Variants in NFIB observed in about 807,000 individuals in gnomAD.
The protein encoded by NFIB is nuclear factor I B.
NFIB carries 11 observed loss-of-function variants against 61.5 expected under a neutral mutation model. That is an observed-to-expected ratio of 0.18 (90% confidence interval 0.11 to 0.30). The LOEUF (loss-of-function observed/expected upper bound fraction) is 0.30, where lower values mean the gene tolerates loss of function less well. Among genes scored for constraint, NFIB ranks in the 10% least tolerant of loss-of-function variants. The pLI, the probability that NFIB is intolerant of heterozygous loss-of-function variation, is 1.00. For missense variants in NFIB, 471 were observed against 608.9 expected (o/e 0.77, Z 2.38); for synonymous variants, 260 against 216.5 (o/e 1.20, Z -1.76).
chr9:14,141,282 T>C (rs1266245255), intron 6 of NFIB, among the ~76,000 whole-genome samples: 1 of 152,124 alleles, frequency 6.6e-6, no homozygotes, highest in Non-Finnish European at 1.5e-5. Context: ...GTATAAAAAT[T>C]AGTAGTTTTA....
the NFIB span, among the ~76,000 whole-genome samples, chr9:14,473,585 C>T: frequency 6.6e-6 from 1 of 152,142 alleles, no homozygotes; most frequent in Non-Finnish European, 1.5e-5. Flanking sequence ...CCCTGCAAGA[C>T]TAGTCTCTTA....
upstream of NFIB, among the ~76,000 whole-genome samples, chr9:14,400,403 T>TAAAAGCTACATGTTTTTCCCGTTAA (rs1351979631): frequency 6.6e-6 from 1 of 152,154 alleles, no homozygotes; most frequent in Non-Finnish European, 1.5e-5. Context: ...CTTTGCAGAA[T>TAAAAGCTACATGTTTTTCCCGTTAA]AAAAGCTACA....
intron 1 of NFIB, among the ~76,000 whole-genome samples, chr9:14,395,112 T>G (rs556212618): frequency 1.6e-4 from 24 of 152,202 alleles, no homozygotes; most frequent in African/African-American, 5.1e-4. Context: ...GGTGGCTTCC[T>G]CAGAACCCTG....
chr9:14,280,171 T>A (rs1588099980), intron 2 of NFIB, among the ~76,000 whole-genome samples: 1 of 152,218 alleles, frequency 6.6e-6, no homozygotes, highest in East Asian at 1.9e-4. Flanking sequence ...CTAAGCCAGC[T>A]TAGGGGCTGA....
At chr9:14,484,086 T>A in the NFIB span, among the ~76,000 whole-genome samples, 1 of 152,238 alleles carries the variant, frequency 6.6e-6, no homozygotes, top group Non-Finnish European at 1.5e-5. Flanking sequence ...TTACCTACTT[T>A]ATTACCTAGT....
chr9:14,144,255 A>G (rs1026686094), intron 6 of NFIB, among the ~76,000 whole-genome samples: 2 of 152,142 alleles, frequency 1.3e-5, no homozygotes, highest in Non-Finnish European at 2.9e-5. Flanking sequence ...AGAGGAATCA[A>G]TTCTTACAAA....
In NFIB at chr9:14,206,511, T is replaced by A. The variant is rs117874526; in HGVS notation, c.563-26731A>T. Among the ~76,000 whole-genome samples, 8 of 151,858 alleles carry A rather than the reference T, an allele frequency of 5.3e-5. No individual in the cohort carries two copies. The East Asian group carries it at 1.6e-3, about 30-fold the overall frequency. ...ACTTGAGCTAATTTCTTTCCTTTCA[T>A]GAGATTTTATGGTCTGACACTGCTG... is the stretch of plus-strand genomic sequence containing the variant. On this transcript the variant is annotated intron_variant, in intron 2 of 10. Transcript: ENST00000380953.
the NFIB span, among the ~76,000 whole-genome samples, chr9:14,498,862 T>G: frequency 7.6e-6 from 1 of 131,866 alleles, no homozygotes; most frequent in African/African-American, 3.1e-5. Flanking sequence ...TTTGCTTTCT[T>G]AGTACACATT....
At chr9:14,150,388 G>A in intron 4 of NFIB, 123 bp from the exon 5 acceptor site, 1 of 1,495,596 alleles carries the variant, frequency 6.7e-7, no homozygotes, top group East Asian at 2.3e-5. Flanking sequence ...TTCACCTTAA[G>A]CCTCTAATAC....
At chr9:14,127,932 C>CAA (rs201442988) in intron 6 of NFIB, among the ~76,000 whole-genome samples, 76 of 87,176 alleles carry the variant, frequency 8.7e-4, no homozygotes, top group Admixed American at 1.5e-3. Flanking sequence ...ATATCTTTTT[C>CAA]AAAAAAAAAA....
At chr9:14,475,386 G>A in the NFIB span, among the ~76,000 whole-genome samples, 1 of 152,160 alleles carries the variant, frequency 6.6e-6, no homozygotes, top group Non-Finnish European at 1.5e-5. Context: ...AAGAGGCTAT[G>A]GAGCCTGTGT....
chr9:14,403,169 A>T (rs1382526606), upstream of NFIB, among the ~76,000 whole-genome samples: 1 of 152,220 alleles, frequency 6.6e-6, no homozygotes, highest in Non-Finnish European at 1.5e-5. Context: ...TAGTTTATAC[A>T]GGCACCTGGC....
chr9:14,403,339 C>G (rs551519078), upstream of NFIB, among the ~76,000 whole-genome samples: 7 of 152,272 alleles, frequency 4.6e-5, no homozygotes, highest in African/African-American at 1.7e-4. Flanking sequence ...GGCATCTGTG[C>G]CAGGTGGCCA....
At chr9:14,360,797 G>A (rs1564030644) in intron 1 of NFIB, among the ~76,000 whole-genome samples, 1 of 151,954 alleles carries the variant, frequency 6.6e-6, no homozygotes, top group Admixed American at 6.6e-5. Flanking sequence ...GCCCGCCTGG[G>A]CCTCCCAAAG....
chr9:14,372,828 C>T (rs971229020), intron 1 of NFIB, among the ~76,000 whole-genome samples: 2 of 152,184 alleles, frequency 1.3e-5, no homozygotes, highest in African/African-American at 4.8e-5. Context: ...GTGAACTGAA[C>T]CTCTAACTCA....
chr9:14,252,206 C>A (rs373511002), intron 2 of NFIB, among the ~76,000 whole-genome samples: 2 of 152,100 alleles, frequency 1.3e-5, no homozygotes, highest in Non-Finnish European at 2.9e-5. Context: ...TCAGGAATAG[C>A]AAACGGGCTG....
chr9:14,350,338 G>C (rs2061091920), intron 1 of NFIB, among the ~76,000 whole-genome samples: 1 of 152,138 alleles, frequency 6.6e-6, no homozygotes, highest in South Asian at 2.1e-4. Context: ...GTTTCTCTAA[G>C]AAAAAAACAG....
chr9:14,338,051 A>G (rs1049773626), intron 1 of NFIB, among the ~76,000 whole-genome samples: 18 of 151,946 alleles, frequency 1.2e-4, no homozygotes, highest in Non-Finnish European at 8.8e-5. Flanking sequence ...CTGGCTCTCT[A>G]TGTGTAGCTG....
rs2039544720 is a variant in NFIB, at chr9:14,125,618, T to C, written c.1060+14A>G. ...CAAGAAGGAGGCTTCTCCTCTATGC[T>C]TGAAACTCCTCACCACTGTGTGCAA... On this transcript the variant is annotated intron_variant, in intron 7 of 10. Transcript: ENST00000380953. 1 of 1,613,878 alleles carries C rather than the reference T, an allele frequency of 6.2e-7. No homozygotes were observed. The highest frequency in any genetic ancestry group is 1.3e-5 in the African/African-American group (1 of 75,040).
Sources: gnomAD v4.1 joint callset for allele counts (sites outside exome capture counted in the v4.1 genomes callset) on GRCh38, gnomAD v4.1.1 for gene constraint, MANE v1.5 for transcripts, NCBI Gene and HGNC (gene_info 2026-07-23, HGNC 2026-07-21) for gene names.